Variants in LRP12 observed in about 807,000 individuals in gnomAD.
LRP12 encodes low-density lipoprotein receptor-related protein 12.
In LRP12, 14 loss-of-function variants were observed where a neutral mutation model predicts 66.0. The observed-to-expected ratio is 0.21, with a 90% CI of 0.14 to 0.33. The LOEUF is 0.33. Among genes scored for constraint, LRP12 ranks in the 10% least tolerant of loss-of-function variants. The probability of loss-of-function intolerance (pLI) is 1.00; values close to 1 mark genes in which losing one functional copy is unlikely to be tolerated. For missense variants in LRP12, 889 were observed against 1,053.4 expected, an observed-to-expected ratio of 0.84 and a Z score of 2.16; for synonymous variants, 357 against 359.1, an observed-to-expected ratio of 0.99 and a Z score of 0.07.
chr8:104,495,357 T>A, intron 5 of LRP12, 148 bp from the exon 6 acceptor site: 1 of 739,958 alleles, frequency 1.4e-6, no homozygotes. Flanking sequence ...ACTGAATATA[T>A]GTATTATCCC....
intron 1 of LRP12, among the ~76,000 whole-genome samples, chr8:104,541,523 TTCA>T (rs1381525498): frequency 6.6e-6 from 1 of 152,170 alleles, no homozygotes; most frequent in African/African-American, 2.4e-5. Flanking sequence ...TATCACGAAC[TTCA>T]TCTTTTTTCA....
intron 1 of LRP12, among the ~76,000 whole-genome samples, chr8:104,551,399 G>T (rs1302630470): frequency 6.6e-6 from 1 of 152,094 alleles, no homozygotes; most frequent in Non-Finnish European, 1.5e-5. Context: ...GATACTGGGG[G>T]TATATGTGCA....
chr8:104,490,980 C>A lies in LRP12; in HGVS notation c.2273G>T (p.Arg758Ile). The change falls in exon 7 of 7, where the codon AGA becomes ATA. Residue 758 changes from arginine (R) to isoleucine (I), a missense_variant. Physicochemically the swap from Arg to Ile is moderately conservative, Grantham distance 97 (BLOSUM62 -3). This residue lies in a region of LRP12 where 800 missense variants were observed against 964.5 expected (regional missense o/e 0.83). Coordinates refer to ENST00000276654, the MANE Select transcript of LRP12 (RefSeq NM_013437.5). ...TCCACTTACCCCATTATCAAGTTGT[C>A]TCAAAGGACTCTGGTTCTGACTTAG... is the stretch of plus-strand genomic sequence containing the variant. ...SSLSQNQSPL[R>I]QLDNGVSGRE... The A allele has an allele frequency of 1.2e-6, 2 of 1,613,994 alleles. No homozygotes were observed. The highest frequency in any genetic ancestry group is 1.7e-6 in the Non-Finnish European group (2 of 1,180,026).
intron 6 of LRP12, among the ~76,000 whole-genome samples, chr8:104,494,732 T>C (rs1810695435): frequency 6.6e-6 from 1 of 152,194 alleles, no homozygotes; most frequent in African/African-American, 2.4e-5. Context: ...TCTAGCATGT[T>C]ATATTGCTAG....
intron 1 of LRP12, among the ~76,000 whole-genome samples, chr8:104,582,209 T>G (rs1812262342): frequency 6.6e-6 from 1 of 152,172 alleles, no homozygotes; most frequent in African/African-American, 2.4e-5. Flanking sequence ...TTAGTCTCAC[T>G]CAATGACAAA....
intron 2 of LRP12, among the ~76,000 whole-genome samples, chr8:104,520,260 A>C (rs1811127496): frequency 6.6e-6 from 1 of 152,006 alleles, no homozygotes; most frequent in Admixed American, 6.6e-5. Context: ...AGGGCTTATG[A>C]GGGCAATTTT....
intron 1 of LRP12, among the ~76,000 whole-genome samples, chr8:104,535,025 TAA>T (rs35159534): frequency 9.1e-5 from 12 of 131,688 alleles, no homozygotes; most frequent in South Asian, 4.7e-4. Context: ...TAGCAAATAC[TAA>T]AAAAAAAAAA....
At position 104,491,477 on chromosome 8, in the gene LRP12, C is replaced by A. The variant is rs1373803912; in HGVS notation, c.1776G>T (p.Arg592Ser). ...TGCTTGATCTGCCTGCCATAGGAAG[C>A]CTGACTGAAGTAAATCCAAGCTGAG... ...VRSQLGFTSV[R>S]LPMAGRSSNI... is the part of the protein sequence containing the mutation. The change falls in exon 7 of 7, where the codon AGG becomes AGT. Residue 592 changes from arginine to serine, a missense_variant. Physicochemically the swap from Arg to Ser is moderately radical, Grantham distance 110 (BLOSUM62 -1). Transcript: ENST00000276654. The A allele has an allele frequency of 1.2e-6, 2 of 1,613,820 alleles. No individual in the cohort carries two copies. Among genetic ancestry groups the A allele is most frequent in the South Asian group, 1.1e-5 (1 of 91,064 alleles).
At chr8:104,553,502 C>A (rs1439137744) in intron 1 of LRP12, among the ~76,000 whole-genome samples, 1 of 152,110 alleles carries the variant, frequency 6.6e-6, no homozygotes, top group African/African-American at 2.4e-5. Context: ...CTGTATGATA[C>A]AGCAGAGGCA....
At chr8:104,491,600 A>AC in intron 6 of LRP12, 61 bp from the exon 7 acceptor site, 2 of 1,316,234 alleles carry the variant, frequency 1.5e-6, no homozygotes, top group Non-Finnish European at 1.0e-6. Flanking sequence ...TAAAAAAAAA[A>AC]AAAAACACCC....
intron 1 of LRP12, among the ~76,000 whole-genome samples, chr8:104,561,348 G>C (rs931120735): frequency 1.3e-5 from 2 of 152,122 alleles, no homozygotes; most frequent in African/African-American, 4.8e-5. Flanking sequence ...CTTTTCATAA[G>C]ACTCAGATTA....
intron 2 of LRP12, among the ~76,000 whole-genome samples, chr8:104,521,539 T>C (rs1163535142): frequency 6.6e-6 from 1 of 151,510 alleles, no homozygotes; most frequent in South Asian, 2.1e-4. Context: ...TTTAAAACTT[T>C]AAGTGTCTCA....
intron 1 of LRP12, among the ~76,000 whole-genome samples, chr8:104,588,551 C>G (rs1812373819): frequency 6.6e-6 from 1 of 152,170 alleles, no homozygotes; most frequent in African/African-American, 2.4e-5. Flanking sequence ...GGAAGTCCGC[C>G]CGCCACCCCC....
At chr8:104,566,366 C>G in intron 1 of LRP12, 1 of 258,082 alleles carries the variant, frequency 3.9e-6, no homozygotes. Flanking sequence ...AGGAAAATGA[C>G]GCAGTGAAAA....
chr8:104,580,064 C>CA (rs1478932946), intron 1 of LRP12, among the ~76,000 whole-genome samples: 1 of 152,034 alleles, frequency 6.6e-6, no homozygotes, highest in African/African-American at 2.4e-5. Context: ...GCAACAAATG[C>CA]AAAAATTGAC....
intron 1 of LRP12, among the ~76,000 whole-genome samples, chr8:104,541,474 A>G (rs762961374): frequency 7.9e-5 from 12 of 152,198 alleles, no homozygotes; most frequent in Admixed American, 6.5e-5. Context: ...TTACACACCT[A>G]TATTTCTTAC....
intron 1 of LRP12, among the ~76,000 whole-genome samples, chr8:104,564,474 A>G (rs1811963301): frequency 6.6e-6 from 1 of 152,130 alleles, no homozygotes; most frequent in African/African-American, 2.4e-5. Context: ...GAATGTGCGC[A>G]GGGGCATTAC....
intron 5 of LRP12, chr8:104,495,932 CAA>C (rs71297279): frequency 3.8e-4 from 35 of 93,130 alleles, no homozygotes; most frequent in Non-Finnish European, 3.8e-4. Context: ...AAACAAACAA[CAA>C]AAAAAAAAAA....
intron 1 of LRP12, among the ~76,000 whole-genome samples, chr8:104,548,188 A>ATT (rs1299675065): frequency 0.03 from 3,078 of 102,034 alleles, 294 homozygotes; most frequent in African/African-American, 0.14. Flanking sequence ...TATATAATAT[A>ATT]TATATAAATA....
Sources: gnomAD v4.1 joint callset for allele counts (sites outside exome capture counted in the v4.1 genomes callset) on GRCh38, gnomAD v4.1.1 for gene constraint, gnomAD v4.1.1 regional missense constraint, MANE v1.5 for transcripts, NCBI Gene and HGNC (gene_info 2026-07-23, HGNC 2026-07-21) for gene names.